The following ANKRD44 variants were observed in gnomAD, a reference collection of about 807,000 sequenced individuals.
ANKRD44 encodes ankyrin repeat domain 44.
Under a neutral mutation model 116.0 loss-of-function variants are expected in ANKRD44, and 35 were observed. The ratio of observed to expected loss-of-function variants is 0.30; its 90% CI spans 0.23 to 0.40. The LOEUF is 0.40. Among genes scored for constraint, ANKRD44 ranks in the 10% least tolerant of loss-of-function variants. ANKRD44 has a pLI of 1.00. For missense variants in ANKRD44, 1,014 were observed against 1,242.6 expected, an observed-to-expected ratio of 0.82 and a Z score of 2.77; for synonymous variants, 435 against 461.8, an observed-to-expected ratio of 0.94 and a Z score of 0.74.
chr2:197,266,978 G>A (rs2082757581), intron 1 of ANKRD44, among the ~76,000 whole-genome samples: 2 of 152,108 alleles, frequency 1.3e-5, no homozygotes, highest in Admixed American at 1.3e-4. Context: ...TATCCAAAAG[G>A]ACAGGGATTT....
intron 16 of ANKRD44, among the ~76,000 whole-genome samples, chr2:197,064,650 A>G (rs2077392286): frequency 1.3e-5 from 2 of 152,364 alleles, no homozygotes; most frequent in South Asian, 4.1e-4. Context: ...AGGGGTTGCA[A>G]TCCTAGTCTT....
rs1318786615 is a variant in ANKRD44, at chr2:197,121,539, A to G, written c.699T>C (p.Asp233=). 2.5e-6 allele frequency: 4 copies of G among 1,613,710 alleles called. No individual in the cohort carries two copies. In the African/African-American group the frequency reaches 5.3e-5, roughly 22 times the overall value. ...CTGTATTTCCATAGACATTGATTTC[A>G]TCAATCTGCAAAAGAGTCCAACACA... is the stretch of plus-strand genomic sequence containing the variant. ...KHLLNLGVEI[D]EINVYGNTAL... Residue 233 remains aspartate, a synonymous_variant, in exon 8 of 28, where the codon GAT becomes GAC. Transcript: ENST00000282272.
At chr2:197,234,841 G>C (rs2081945512) in intron 1 of ANKRD44, among the ~76,000 whole-genome samples, 1 of 152,136 alleles carries the variant, frequency 6.6e-6, no homozygotes, top group Non-Finnish European at 1.5e-5. Flanking sequence ...TTGCCTAATG[G>C]ATAAGGCACT....
At chr2:197,088,571 T>C (rs1172273647) in intron 12 of ANKRD44, 140 bp downstream of exon 12, 1 of 529,086 alleles carries the variant, frequency 1.9e-6, no homozygotes, top group Non-Finnish European at 3.2e-6. Flanking sequence ...TGTGGAAATA[T>C]AACATAGTGA....
intron 1 of ANKRD44, among the ~76,000 whole-genome samples, chr2:197,189,582 T>C (rs1413990179): frequency 6.6e-6 from 1 of 152,144 alleles, no homozygotes; most frequent in Non-Finnish European, 1.5e-5. Flanking sequence ...CAAAAAAAAA[T>C]ATTGAATCTT....
At chr2:197,114,260 T>A (rs147372771) in intron 8 of ANKRD44, among the ~76,000 whole-genome samples, 1 of 152,338 alleles carries the variant, frequency 6.6e-6, no homozygotes, top group East Asian at 1.9e-4. Flanking sequence ...AAAGCTTTTA[T>A]GAAAATTTTT....
intron 16 of ANKRD44, among the ~76,000 whole-genome samples, chr2:197,046,563 T>TTAAAAAGAGC (rs1178070041): frequency 6.6e-6 from 1 of 151,730 alleles, no homozygotes; most frequent in Non-Finnish European, 1.5e-5. Flanking sequence ...AACTCTTTCA[T>TTAAAAAGAGC]TAAAAAGAGC....
chr2:196,979,553 A>ATTTTTTTTTT (rs1202023600), intron 21 of ANKRD44, among the ~76,000 whole-genome samples: 3 of 90,062 alleles, frequency 3.3e-5, no homozygotes, highest in African/African-American at 1.4e-4. Flanking sequence ...TAATAAGATG[A>ATTTTTTTTTT]CTTTTTTTTT....
chr2:197,223,973 G>GTAA, intron 1 of ANKRD44, among the ~76,000 whole-genome samples: 1 of 134,092 alleles, frequency 7.5e-6, no homozygotes, highest in African/African-American at 2.9e-5. Flanking sequence ...ACCCCGAAAA[G>GTAA]TAGTAGATAC....
chr2:196,995,184 G>A (rs1271595914), intron 26 of ANKRD44, 195 bp downstream of exon 26: 1 of 365,248 alleles, frequency 2.7e-6, no homozygotes, highest in East Asian at 4.0e-5. Context: ...TCAAAAGAAG[G>A]ATTCTAACTA....
intron 2 of ANKRD44, among the ~76,000 whole-genome samples, chr2:197,173,902 A>C (rs2080300331): frequency 6.6e-6 from 1 of 152,122 alleles, no homozygotes; most frequent in Admixed American, 6.5e-5. Context: ...GCATGGTAGC[A>C]CATGTCTGTA....
At chr2:197,044,108 G>C (rs2124971489) in intron 16 of ANKRD44, among the ~76,000 whole-genome samples, 1 of 152,088 alleles carries the variant, frequency 6.6e-6, no homozygotes, top group Non-Finnish European at 1.5e-5. Flanking sequence ...TATTTATTAA[G>C]CAATAAAAAT....
intron 1 of ANKRD44, among the ~76,000 whole-genome samples, chr2:197,208,085 T>C (rs1226266178): frequency 6.6e-6 from 1 of 152,212 alleles, no homozygotes; most frequent in African/African-American, 2.4e-5. Flanking sequence ...ACTTTCTAAA[T>C]ATGTTACTGT....
At chr2:197,164,325 G>C (rs1236694365) in intron 2 of ANKRD44, among the ~76,000 whole-genome samples, 2 of 152,212 alleles carry the variant, frequency 1.3e-5, no homozygotes, top group Non-Finnish European at 2.9e-5. Flanking sequence ...GCAGCACAAG[G>C]TCAAAGGTGT....
intron 1 of ANKRD44, among the ~76,000 whole-genome samples, chr2:197,215,798 T>A (rs1289616953): frequency 6.6e-6 from 1 of 152,232 alleles, no homozygotes; most frequent in East Asian, 1.9e-4. Flanking sequence ...CAACCTGCAA[T>A]TAGGACTTTC....
At chr2:197,115,812 G>A (rs139486995) in intron 8 of ANKRD44, among the ~76,000 whole-genome samples, 2,228 of 152,278 alleles carry the variant, frequency 0.015, 24 homozygotes, top group Non-Finnish European at 0.021. Context: ...CTATGGAAAT[G>A]TTAGATGATC....
At chr2:197,308,170 C>CA (rs869050659) in intron 1 of ANKRD44, among the ~76,000 whole-genome samples, 2 of 77,686 alleles carry the variant, frequency 2.6e-5, no homozygotes, top group South Asian at 4.7e-4. Context: ...CACACACACA[C>CA]ACAAAAAAAA....
At chr2:197,257,439 A>G (rs371177490) in intron 1 of ANKRD44, among the ~76,000 whole-genome samples, 3 of 151,644 alleles carry the variant, frequency 2.0e-5, no homozygotes, top group African/African-American at 7.3e-5. Flanking sequence ...AGTGATTATT[A>G]TAAAACTTCG....
chr2:197,113,000 T>TG (rs2125286672), intron 8 of ANKRD44, among the ~76,000 whole-genome samples: 1 of 151,182 alleles, frequency 6.6e-6, no homozygotes, highest in African/African-American at 2.4e-5. Flanking sequence ...AAAAAAAACA[T>TG]GTATCATTAT....
Sources: allele counts gnomAD v4.1 joint callset (sites outside exome capture counted in the v4.1 genomes callset), GRCh38; gene constraint gnomAD v4.1.1; transcripts MANE v1.5; gene names NCBI Gene and HGNC (gene_info 2026-07-23, HGNC 2026-07-21).